Variants in LAPTM4B observed in about 807,000 individuals in gnomAD.
LAPTM4B encodes lysosomal protein transmembrane 4 beta.
A neutral mutation model predicts 28.5 loss-of-function variants in LAPTM4B; 26 were observed. The observed-to-expected ratio is 0.91, with a 90% CI of 0.67 to 1.27. The LOEUF (loss-of-function observed/expected upper bound fraction) is 1.27. Ranked by LOEUF, LAPTM4B falls within the 50% of genes most tolerant of loss-of-function variation. The pLI, the probability that LAPTM4B is intolerant of heterozygous loss-of-function variation, is 0.00. For missense variants in LAPTM4B, 288 were observed against 285.8 expected, an observed-to-expected ratio of 1.01 and a Z score of -0.06; for synonymous variants, 109 against 106.4, an observed-to-expected ratio of 1.02 and a Z score of -0.15.
Position 97,775,940 on chromosome 8 carries a change from C to A in LAPTM4B, c.-70C>A. On this transcript the variant is annotated 5_prime_UTR_variant, in exon 1 of 7. Coordinates refer to ENST00000521545, the MANE Select transcript of LAPTM4B (RefSeq NM_018407.6). ...GGAGGAGCCGGCAGCAGCGGCGCGG[C>A]GGGCTCCAGGCGAGGCGGTCGACGC... The A allele has an allele frequency of 1.4e-6, 2 of 1,475,526 alleles. No homozygotes were observed. The highest frequency in any genetic ancestry group is 1.3e-5 in the South Asian group (1 of 74,356). 91.4% of individuals were successfully genotyped at this position (1,475,526 alleles called of 1,614,324 possible).
At chr8:97,784,533 G>A (rs1361045231) in intron 1 of LAPTM4B, among the ~76,000 whole-genome samples, 2 of 152,074 alleles carry the variant, frequency 1.3e-5, no homozygotes, top group East Asian at 3.9e-4. Context: ...TCTGCCTCCC[G>A]GGTTCAAGCC....
intron 6 of LAPTM4B, among the ~76,000 whole-genome samples, chr8:97,833,218 C>T (rs956435005): frequency 6.6e-6 from 1 of 151,930 alleles, no homozygotes; most frequent in East Asian, 2.0e-4. Context: ...CCTGTAATCC[C>T]AGCTACTTGG....
At chr8:97,812,792 C>A (rs1243160993) in intron 2 of LAPTM4B, among the ~76,000 whole-genome samples, 1 of 152,112 alleles carries the variant, frequency 6.6e-6, no homozygotes, top group Non-Finnish European at 1.5e-5. Flanking sequence ...TGATCTCATT[C>A]CCTCACCAGA....
chr8:97,815,265 A>C (rs1290142816), intron 2 of LAPTM4B, 63 bp from the exon 3 acceptor site: 1 of 1,185,798 alleles, frequency 8.4e-7, no homozygotes, highest in Non-Finnish European at 1.3e-6. Context: ...AGAGACTGAA[A>C]GTATTCAGTG....
At chr8:97,834,547 TTG>T (rs10557729) in intron 6 of LAPTM4B, among the ~76,000 whole-genome samples, 130,233 of 150,538 alleles carry the variant, frequency 0.87, 57,696 homozygotes, top group East Asian at 0.96. Context: ...ATGTCCCTGG[TTG>T]TGTGTGTGTG....
intron 1 of LAPTM4B, among the ~76,000 whole-genome samples, chr8:97,802,411 T>A (rs1276614270): frequency 2.0e-5 from 3 of 152,062 alleles, no homozygotes; most frequent in African/African-American, 7.2e-5. Context: ...ATTTGTAAAT[T>A]GTCATGGCGC....
intron 6 of LAPTM4B, among the ~76,000 whole-genome samples, chr8:97,850,818 G>A (rs1462053154): frequency 6.8e-6 from 1 of 148,090 alleles, no homozygotes; most frequent in Non-Finnish European, 1.5e-5. Flanking sequence ...CTGAATGAAG[G>A]GTGATATAAC....
intron 1 of LAPTM4B, among the ~76,000 whole-genome samples, chr8:97,794,702 T>G (rs1816554049): frequency 6.6e-6 from 1 of 152,180 alleles, no homozygotes; most frequent in Non-Finnish European, 1.5e-5. Flanking sequence ...TAATAGCTTT[T>G]ATTTTATTTT....
chr8:97,794,881 T>G (rs1816558057), intron 1 of LAPTM4B, among the ~76,000 whole-genome samples: 1 of 151,850 alleles, frequency 6.6e-6, no homozygotes, highest in Non-Finnish European at 1.5e-5. Context: ...GCCCGGCTAA[T>G]TTTTGTATTT....
chr8:97,835,127 A>G (rs1318262588), intron 6 of LAPTM4B, among the ~76,000 whole-genome samples: 1 of 152,170 alleles, frequency 6.6e-6, no homozygotes, highest in African/African-American at 2.4e-5. Flanking sequence ...TCTTTTGTTC[A>G]CATCTTTGTT....
chr8:97,808,459 AAAATT>A (rs1376941053), intron 2 of LAPTM4B, among the ~76,000 whole-genome samples: 2 of 116,230 alleles, frequency 1.7e-5, no homozygotes, highest in Non-Finnish European at 3.9e-5. Context: ...AAATTAAAAT[AAAATT>A]AAATAATCCA....
intron 1 of LAPTM4B, among the ~76,000 whole-genome samples, chr8:97,776,501 G>A (rs1412480932): frequency 6.6e-6 from 1 of 152,364 alleles, no homozygotes; most frequent in African/African-American, 2.4e-5. Flanking sequence ...GTGTTTCGAC[G>A]GCTGCGGACG....
chr8:97,810,633 T>C (rs1330019361), intron 2 of LAPTM4B, among the ~76,000 whole-genome samples: 1 of 152,254 alleles, frequency 6.6e-6, no homozygotes, highest in East Asian at 1.9e-4. Context: ...TGTTACACAC[T>C]CATAGCCCTG....
At chr8:97,804,738 A>G (rs1816735394) in intron 1 of LAPTM4B, among the ~76,000 whole-genome samples, 1 of 152,188 alleles carries the variant, frequency 6.6e-6, no homozygotes, top group Non-Finnish European at 1.5e-5. Flanking sequence ...GGTGATTGTC[A>G]TTTAGAGGAG....
intron 1 of LAPTM4B, among the ~76,000 whole-genome samples, chr8:97,785,679 T>C (rs575328745): frequency 6.6e-6 from 1 of 152,364 alleles, no homozygotes; most frequent in African/African-American, 2.4e-5. Flanking sequence ...AAGTTGTTTG[T>C]CAGGAATTGT....
chr8:97,805,626 G>A (rs1022865096), intron 2 of LAPTM4B, among the ~76,000 whole-genome samples, 162 bp downstream of exon 2: 1 of 152,084 alleles, frequency 6.6e-6, no homozygotes, highest in Non-Finnish European at 1.5e-5. Flanking sequence ...TGTCTTCTAG[G>A]TGCAAGAGTC....
At chr8:97,813,958 T>C (rs1403497243) in intron 2 of LAPTM4B, among the ~76,000 whole-genome samples, 1 of 152,260 alleles carries the variant, frequency 6.6e-6, no homozygotes, top group Non-Finnish European at 1.5e-5. Flanking sequence ...AAATTATTTC[T>C]TATTAAATAT....
At chr8:97,844,235 T>C (rs896325621) in intron 6 of LAPTM4B, among the ~76,000 whole-genome samples, 1 of 152,040 alleles carries the variant, frequency 6.6e-6, no homozygotes, top group Non-Finnish European at 1.5e-5. Flanking sequence ...TGGGATTACA[T>C]GCACGTACCA....
chr8:97,800,269 C>T (rs987044225), intron 1 of LAPTM4B, among the ~76,000 whole-genome samples: 22 of 152,150 alleles, frequency 1.4e-4, no homozygotes, highest in African/African-American at 4.1e-4. Flanking sequence ...AAAGCACAGG[C>T]GTAAAGCAGG....
Sources: allele counts gnomAD v4.1 joint callset (sites outside exome capture counted in the v4.1 genomes callset), GRCh38; gene constraint gnomAD v4.1.1; transcripts MANE v1.5; gene names NCBI Gene and HGNC (gene_info 2026-07-23, HGNC 2026-07-21).